RFNG: variants seen among roughly 807,000 people sequenced by gnomAD.
RFNG encodes RFNG O-fucosylpeptide 3-beta-N-acetylglucosaminyltransferase.
Under a neutral mutation model 29.6 loss-of-function variants are expected in RFNG, and 37 were observed. That is an observed-to-expected ratio of 1.25 (90% CI 0.96 to 1.65). RFNG has a LOEUF of 1.65. Among genes scored for constraint, RFNG ranks in the 40% most tolerant of loss-of-function variants. The pLI is 0.00. For synonymous variants in RFNG, 276 were observed against 197.3 expected, an observed-to-expected ratio of 1.40 and a Z score of -3.34; for missense variants, 546 against 457.0, an observed-to-expected ratio of 1.19 and a Z score of -1.78.
At chr17:82,049,645 G>T (rs924146538) in intron 6 of RFNG, 32 bp downstream of exon 6, 9 of 1,459,464 alleles carry the variant, frequency 6.2e-6, no homozygotes, top group African/African-American at 1.4e-5. Flanking sequence ...GCAAAGCCCA[G>T]GTGGCAGAGG....
At position 82,048,714 on chromosome 17, in the gene RFNG, G is replaced by A; in HGVS notation, c.*12C>T. The A allele has an allele frequency of 6.2e-7, 1 of 1,609,984 alleles. No homozygotes were observed. The highest frequency in any genetic ancestry group is 1.1e-5 in the South Asian group (1 of 91,032). ...GACAGAGCCAGGCAGCCCTGGGTCG[G>A]GGTGGTTGGTGTCACCGAGAGGTCG... On this transcript the variant is annotated 3_prime_UTR_variant, in exon 8 of 8. Transcript: ENST00000310496.
rs962831882 is a variant in RFNG, at chr17:82,050,212, C to T, written c.573+190G>A. 137 of 801,664 alleles carry T rather than the reference C, an allele frequency of 1.7e-4. No individual in the cohort carries two copies. The African/African-American group carries it at 2.1e-3, about 12-fold the overall frequency. The allele number at this position is 801,664 out of a possible 1,614,324, so 49.7% of individuals were successfully genotyped here. A position where few individuals can be genotyped will look rare whatever the true frequency, so the allele number is the denominator to read the frequency against. ...CCCTCCCCACCTGGCCCAGACACCC[C>T]CTCTCTGCCCAGTACGGTGAGGGCC... is the stretch of plus-strand genomic sequence containing the variant. On this transcript the variant is annotated intron_variant, in intron 4 of 7. Transcript: ENST00000310496.
At position 82,050,715 on chromosome 17, in the gene RFNG, G is replaced by A. The variant is rs745656322; in HGVS notation, c.366C>T (p.Ala122=). 3.1e-6 allele frequency: 5 copies of A among 1,613,102 alleles called. No individual in the cohort carries two copies. The highest frequency in any genetic ancestry group is 2.7e-5 in the African/African-American group (2 of 74,936). ...ACTCCACGGACATCTTGCAGCAGAGGGCCTGACGAGTGCGCACCGCCGAGC... is the reference window on the plus strand; with the variant it reads ...ACTCCACGGACATCTTGCAGCAGAGAGCCTGACGAGTGCGCACCGCCGAGC... ...TNCSAVRTRQ[A]LCCKMSVEYD... is the part of the protein sequence containing the mutation. The change falls in exon 3 of 8, where the codon GCC becomes GCT. Residue 122 remains alanine, a synonymous_variant. Coordinates refer to ENST00000310496, the MANE Select transcript of RFNG (RefSeq NM_002917.2).
At chr17:82,050,205 G>T (rs535940479) in intron 4 of RFNG, 197 bp downstream of exon 4, 2 of 789,138 alleles carry the variant, frequency 2.5e-6, no homozygotes, top group Admixed American at 2.9e-5. Flanking sequence ...ACCTGGCCCA[G>T]ACACCCCCTC....
chr17:82,051,152 A>AGGCCT lies in RFNG; in HGVS notation c.316+141_316+142insAGGCC. On this transcript the variant is annotated intron_variant, in intron 2 of 7. Transcript: ENST00000310496. The surrounding 1 kb of genome is among the most constrained non-coding windows in gnomAD (Gnocchi z 4.1). ...GGGTGGGCCCTCCGCAGGCCGCGTG[A>AGGCCT]CCTGGGCAGCGTCGGGGCCTCCCCG... 2 of 1,307,594 alleles carry AGGCCT rather than the reference A, an allele frequency of 1.5e-6. No homozygotes were observed. Among genetic ancestry groups the AGGCCT allele is most frequent in the Non-Finnish European group, 1.9e-6 (2 of 1,028,264 alleles). The allele number at this position is 1,307,594 out of a possible 1,614,324, so 81.0% of individuals were successfully genotyped here. A position where few individuals can be genotyped will look rare whatever the true frequency, so the allele number is the denominator to read the frequency against.
At position 82,050,388 on chromosome 17, in the gene RFNG, G is replaced by A. The variant is rs745927112; in HGVS notation, c.573+14C>T. On this transcript the variant is annotated intron_variant, in intron 4 of 7. Transcript: ENST00000310496. ...GAAGGCGTCTGCTCCGATGGCGTCT[G>A]CTCCGACACTCACAGTTCTGCCACC... 1 of 1,560,464 alleles carries A rather than the reference G, an allele frequency of 6.4e-7. No individual in the cohort carries two copies. Among genetic ancestry groups the A allele is most frequent in the Non-Finnish European group, 8.6e-7 (1 of 1,159,140 alleles).
In RFNG at chr17:82,049,032, G is replaced by GT. The variant is rs1459046681; in HGVS notation, c.912dup (p.Arg305ThrfsTer3). On this transcript the variant is annotated frameshift_variant and splice_region_variant, in exon 7 of 8. Transcript: ENST00000310496. LOFTEE classifies it low-confidence loss of function (END_TRUNC). Reference sequence around the variant, plus strand: ...CTGCCCATGCCACTACCTACTCACCGTGTGGGGTCTTGATGCAGGCTGAAG... The same window carrying GT: ...CTGCCCATGCCACTACCTACTCACCGTTGTGGGGTCTTGATGCAGGCTGAAG... The GT allele has an allele frequency of 6.2e-7, 1 of 1,613,158 alleles. No homozygotes were observed. The highest frequency in any genetic ancestry group is 8.5e-7 in the Non-Finnish European group (1 of 1,179,826).
chr17:82,051,497 C>A lies in RFNG; in HGVS notation c.267+3G>T, dbSNP rs1374164629. On this transcript the variant is annotated splice_donor_region_variant and intron_variant, in intron 1 of 7. Transcript: ENST00000310496. This position sits in a 1 kb window ranked among gnomAD's most constrained non-coding sequence, Gnocchi z 4.1. ...TCGCCGTCGGGGTCGGGGTCCGGCG[C>A]ACCTGCTGGCGGGCCCGGGAGATCC... 4 of 1,373,888 alleles carry A rather than the reference C, an allele frequency of 2.9e-6. No individual in the cohort carries two copies. The highest frequency in any genetic ancestry group is 1.7e-5 in the South Asian group (1 of 58,774). The allele number at this position is 1,373,888 out of a possible 1,614,324, so 85.1% of individuals were successfully genotyped here.
chr17:82,050,881 A>T, intron 2 of RFNG, 117 bp from the exon 3 acceptor site: 1 of 1,415,294 alleles, frequency 7.1e-7, no homozygotes, highest in African/African-American at 1.4e-5. Flanking sequence ...ACATGCCTGG[A>T]CACCTTGCCT....
chr17:82,051,073 G>A lies in RFNG; in HGVS notation c.316+221C>T, dbSNP rs1040002705. Reference sequence around the variant, plus strand: ...TCAGGGGACGTGGCACTAGCCCCACGCCCCGGGAAGCGGCTAGTGTGAGAG... The same window carrying A: ...TCAGGGGACGTGGCACTAGCCCCACACCCCGGGAAGCGGCTAGTGTGAGAG... On this transcript the variant is annotated intron_variant, in intron 2 of 7. Coordinates refer to ENST00000310496, the MANE Select transcript of RFNG (RefSeq NM_002917.2). This position sits in a 1 kb window ranked among gnomAD's most constrained non-coding sequence, Gnocchi z 4.1. 4.4e-6 allele frequency: 6 copies of A among 1,369,472 alleles called. No individual in the cohort carries two copies. The highest frequency in any genetic ancestry group is 6.9e-5 in the Admixed American group (2 of 28,990). 84.8% of individuals were successfully genotyped at this position (1,369,472 alleles called of 1,614,324 possible).
In RFNG at chr17:82,049,128, G is replaced by C. The variant is rs75775889; in HGVS notation, c.829-12C>G. On this transcript the variant is annotated splice_polypyrimidine_tract_variant and intron_variant, in intron 6 of 7. Coordinates refer to ENST00000310496, the MANE Select transcript of RFNG (RefSeq NM_002917.2). ...TGGCTCAAGGTAACCTGGGAGGGAAGGGTGTGGGCAGAGTGTGTGGCCTGG... is the reference window on the plus strand; with the variant it reads ...TGGCTCAAGGTAACCTGGGAGGGAACGGTGTGGGCAGAGTGTGTGGCCTGG... The C allele has an allele frequency of 8.2e-3, 13,190 of 1,610,530 alleles. 987 individuals carry two copies. The African/African-American group carries it at 0.16, about 19-fold the overall frequency.
chr17:82,048,756 C>T lies in RFNG; in HGVS notation c.966G>A (p.Arg322=). Residue 322 remains arginine, a synonymous_variant, in exon 8 of 8, where the codon AGG becomes AGA. Coordinates refer to ENST00000310496, the MANE Select transcript of RFNG (RefSeq NM_002917.2). ...LLYPDTDWCP[R]QKQGAPTSR ...GAGAGGTCGGGGCGCCCTGTTTCTG[C>T]CTGGGACACCAGTCCGTGTCTGGGT... 1.9e-6 allele frequency: 3 copies of T among 1,613,238 alleles called. No individual in the cohort carries two copies. The highest frequency in any genetic ancestry group is 2.5e-6 in the Non-Finnish European group (3 of 1,179,834).
At chr17:82,048,953 G>C in intron 7 of RFNG, 78 bp downstream of exon 7, 1 of 1,510,848 alleles carries the variant, frequency 6.6e-7, no homozygotes, top group African/African-American at 1.4e-5. Context: ...AGCAGCGGGG[G>C]TCAGGGCCGT....
Position 82,049,794 on chromosome 17 carries a change from G to C in RFNG, c.711C>G (p.Asp237Glu), listed in dbSNP as rs1222545975. Residue 237 changes from aspartate to glutamate, a missense_variant, in exon 6 of 8, where the codon GAC (aspartate) becomes GAG (glutamate). Transcript: ENST00000310496. The stretch of plus-strand genomic sequence containing the variant: ...CCTCCACGATGTAGCCAACTGTGCA[G>C]TCATCCGGCAGCCGCACCTGCTCAG... Reference protein sequence around the residue: ...STAEQVRLPDDCTVGYIVEGL... With the variant: ...STAEQVRLPDECTVGYIVEGL... 5 of 1,546,866 alleles carry C rather than the reference G, an allele frequency of 3.2e-6. No homozygotes were observed. In the Admixed American group the frequency reaches 8.2e-5, roughly 25 times the overall value.
rs2030205816 is a variant in RFNG at position 82,050,014 on chromosome 17, T to TG, written c.574-9dup. On this transcript the variant is annotated splice_polypyrimidine_tract_variant and intron_variant, in intron 4 of 7. Coordinates refer to ENST00000310496, the MANE Select transcript of RFNG (RefSeq NM_002917.2). ...GAACTTGACCGTGGTCACCTGAAGA[T>TG]GGGGTGGTGGTCAGAGCTGCCCAGG... The TG allele has an allele frequency of 2.5e-6, 4 of 1,602,586 alleles. No homozygotes were observed. Among genetic ancestry groups the TG allele is most frequent in the Admixed American group, 1.7e-5 (1 of 59,066 alleles).
chr17:82,050,913 C>T (rs1469381681), intron 2 of RFNG, 149 bp from the exon 3 acceptor site: 4 of 1,400,258 alleles, frequency 2.9e-6, no homozygotes, highest in South Asian at 2.9e-5. Context: ...CAGCCCTAGC[C>T]CTCACGCGCT....
chr17:82,050,128 G>T, intron 4 of RFNG, 122 bp from the exon 5 acceptor site: 1 of 939,294 alleles, frequency 1.1e-6, no homozygotes, highest in Non-Finnish European at 1.6e-6. Flanking sequence ...GGTAACAGAA[G>T]CTTCTTGGAG....
In RFNG at chr17:82,051,480, G is replaced by C. The variant is rs1477606916; in HGVS notation, c.267+20C>G. ...GCGGGTGGGCGTGGGGCTCGCCGTC[G>C]GGGTCGGGGTCCGGCGCACCTGCTG... On this transcript the variant is annotated intron_variant, in intron 1 of 7. Coordinates refer to ENST00000310496, the MANE Select transcript of RFNG (RefSeq NM_002917.2). This position sits in a 1 kb window ranked among gnomAD's most constrained non-coding sequence, Gnocchi z 4.1. The C allele has an allele frequency of 2.2e-6, 3 of 1,355,194 alleles. No individual in the cohort carries two copies. The highest frequency in any genetic ancestry group is 2.9e-6 in the Non-Finnish European group (3 of 1,052,004). 83.9% of individuals were successfully genotyped at this position (1,355,194 alleles called of 1,614,324 possible).
chr17:82,050,045 GCTTCTCACCCCTGACT>G, intron 4 of RFNG, 39 bp from the exon 5 acceptor site: 1 of 1,528,012 alleles, frequency 6.5e-7, no homozygotes, highest in Non-Finnish European at 9.0e-7. Flanking sequence ...CCAGGACAGG[GCTTCTCACCCCTGACT>G]CTTCATGGGA....
Sources: gnomAD v4.1 joint callset for allele counts on GRCh38, gnomAD v4.1.1 for gene constraint, Gnocchi (gnomAD v3.1) non-coding constraint, MANE v1.5 for transcripts, NCBI Gene and HGNC (gene_info 2026-07-23, HGNC 2026-07-21) for gene names.